The following GGT1 variants were observed in gnomAD, a reference collection of about 807,000 sequenced individuals.
The protein encoded by GGT1 is gamma-glutamyltransferase 1, also known as glutathione hydrolase 1 proenzyme.
Under a neutral mutation model 56.0 loss-of-function variants are expected in GGT1, and 21 were observed. The observed-to-expected ratio is 0.38, with a 90% CI of 0.27 to 0.54. The LOEUF (loss-of-function observed/expected upper bound fraction) is 0.54. Among genes scored for constraint, GGT1 ranks in the 20% least tolerant of loss-of-function variants. The pLI is 0.82. For missense variants in GGT1, 466 were observed against 787.0 expected, an observed-to-expected ratio of 0.59 and a Z score of 4.88; for synonymous variants, 238 against 342.6, an observed-to-expected ratio of 0.69 and a Z score of 3.37.
Position 24,620,687 on chromosome 22 carries a change from G to A in GGT1, c.575+167G>A, listed in dbSNP as rs916542862. ...CCACGTGTGGGGACACATTCTGAGC[G>A]TGGGGTCCCAGTGGCCACTGTGGCT... On this transcript the variant is annotated intron_variant, in intron 8 of 15. Transcript: ENST00000400382. This position sits in a 1 kb window ranked among gnomAD's most constrained non-coding sequence, Gnocchi z 5.6. 106 of 1,458,362 alleles carry A rather than the reference G, an allele frequency of 7.3e-5. No individual in the cohort carries two copies. The Admixed American group carries it at 7.6e-4, about 10-fold the overall frequency. The allele number at this position is 1,458,362 out of a possible 1,614,324, so 90.3% of individuals were successfully genotyped here.
chr22:24,588,140 G>T, the GGT1 span: 3 of 1,157,786 alleles, frequency 2.6e-6, no homozygotes, highest in Non-Finnish European at 2.6e-6. Context: ...GCCTCTTGGT[G>T]AGAGTGCAGG....
intron 7 of GGT1, among the ~76,000 whole-genome samples, chr22:24,617,707 T>C (rs2047160920): frequency 1.3e-5 from 2 of 151,926 alleles, no homozygotes; most frequent in Non-Finnish European, 2.9e-5. Context: ...TTTGGGCACG[T>C]TGAAGTTTGA....
chr22:24,619,483 C>T (rs1305805604), intron 7 of GGT1, among the ~76,000 whole-genome samples: 4 of 151,506 alleles, frequency 2.6e-5, no homozygotes, highest in Non-Finnish European at 4.4e-5. Context: ...GTAGGAGGAT[C>T]GCTTGAGCCT....
chr22:24,595,236 C>T (rs1187667056), intron 1 of GGT1, among the ~76,000 whole-genome samples: 1 of 152,156 alleles, frequency 6.6e-6, no homozygotes, highest in East Asian at 1.9e-4. Flanking sequence ...GGTGTCTGGG[C>T]CTAGATCCTT....
At chr22:24,593,068 C>T, upstream of GGT1, 1 of 1,037,434 alleles carries the variant, frequency 9.6e-7, no homozygotes, top group Admixed American at 5.6e-5. Flanking sequence ...GCCGAACCCA[C>T]AGGAGGCCGG....
At chr22:24,611,750 G>A (rs1298067207) in intron 5 of GGT1, among the ~76,000 whole-genome samples, 3 of 151,014 alleles carry the variant, frequency 2.0e-5, no homozygotes, top group Admixed American at 6.6e-5. Context: ...GATTACAGGC[G>A]TGCGCCACCA....
intron 1 of GGT1, among the ~76,000 whole-genome samples, chr22:24,596,019 T>G (rs1201531017): frequency 6.6e-6 from 1 of 152,206 alleles, no homozygotes; most frequent in East Asian, 1.9e-4. Context: ...ATGGATACTC[T>G]ATGGAGACAG....
intron 5 of GGT1, among the ~76,000 whole-genome samples, chr22:24,611,878 C>T (rs1378973257): frequency 6.6e-6 from 1 of 151,340 alleles, no homozygotes; most frequent in Non-Finnish European, 1.5e-5. Flanking sequence ...GCAATCTTGG[C>T]TTACTGCAAC....
the GGT1 span, among the ~76,000 whole-genome samples, chr22:24,586,680 T>C: frequency 2.6e-5 from 4 of 152,370 alleles, no homozygotes; most frequent in East Asian, 1.9e-4. Context: ...TAAAGGCATG[T>C]GCCACCACGC....
upstream of GGT1, chr22:24,589,949 C>T: frequency 6.3e-7 from 1 of 1,591,664 alleles, no homozygotes; most frequent in East Asian, 2.3e-5. Flanking sequence ...AGGCCCAGGT[C>T]CTGTGAGTGG....
intron 1 of GGT1, among the ~76,000 whole-genome samples, chr22:24,605,199 ATATGTAT>A (rs1468380830): frequency 3.5e-5 from 2 of 57,388 alleles, no homozygotes; most frequent in South Asian, 4.2e-4. Context: ...ATAATATATA[ATATGTAT>A]TATATTATAT....
chr22:24,627,535 C>T lies in GGT1; in HGVS notation c.1124C>T (p.Thr375Met), dbSNP rs3966247. Residue 375 changes from threonine (T) to methionine (M), a missense_variant, in exon 12 of 16, where the codon ACG (threonine) becomes ATG (methionine). Thr to Met is a moderately conservative substitution (Grantham distance 81, BLOSUM62 -1). Transcript: ENST00000400382. ...PISYYKPEFYTPDDGGTAHLS... is the reference protein window; with the variant it reads ...PISYYKPEFYMPDDGGTAHLS... Reference sequence around the variant, plus strand: ...TCCTACTACAAGCCCGAGTTCTACACGCCGGATGACGGGGGCACTGCTCAC... The same window carrying T: ...TCCTACTACAAGCCCGAGTTCTACATGCCGGATGACGGGGGCACTGCTCAC... The T allele has an allele frequency of 1.4e-5, 22 of 1,611,684 alleles. No homozygotes were observed. In the East Asian group the frequency reaches 1.6e-4, roughly 11 times the overall value.
chr22:24,623,835 C>T lies in GGT1; in HGVS notation c.939C>T (p.Tyr313=). The stretch of plus-strand genomic sequence containing the variant: ...GCCCCGAGCAGAAGGGCCTGACGTA[C>T]CACCGCATCGTAGAGGCTTTCCGGT... ...VESPEQKGLT[Y]HRIVEAFRFA... Residue 313 remains tyrosine, a synonymous_variant, in exon 11 of 16, where the codon TAC becomes TAT. Coordinates refer to ENST00000400382, the MANE Select transcript of GGT1 (RefSeq NM_001288833.2). The T allele has an allele frequency of 6.2e-7, 1 of 1,611,920 alleles. No individual in the cohort carries two copies. The highest frequency in any genetic ancestry group is 8.5e-7 in the Non-Finnish European group (1 of 1,179,838).
chr22:24,625,696 A>T (rs1051719112), intron 11 of GGT1, among the ~76,000 whole-genome samples: 1 of 149,610 alleles, frequency 6.7e-6, no homozygotes, highest in Non-Finnish European at 1.5e-5. Context: ...CGCCCGCCAC[A>T]CCGCCCAGCT....
upstream of GGT1, chr22:24,599,212 C>T (rs887875403): frequency 6.6e-6 from 1 of 152,210 alleles, no homozygotes; most frequent in Non-Finnish European, 1.5e-5. Flanking sequence ...AGCCGGCCTG[C>T]AGAGTGAGAT....
upstream of GGT1, among the ~76,000 whole-genome samples, chr22:24,598,942 A>G (rs901931774): frequency 2.0e-5 from 3 of 151,638 alleles, no homozygotes; most frequent in African/African-American, 4.8e-5. Context: ...AAAATTAATT[A>G]AGAAATTAAA....
rs758052297 is a variant in GGT1 at position 24,627,933 on chromosome 22, C to A, written c.1290C>A (p.Thr430=). 17 of 1,613,580 alleles carry A rather than the reference C, an allele frequency of 1.1e-5. No individual in the cohort carries two copies. In the East Asian group the frequency reaches 1.8e-4, roughly 17 times the overall value. ...EMDDFSSPSI[T]NEFGVPPSPA... ...ACGACTTCAGCTCTCCCAGCATCAC[C>A]AACGAGTTTGGGGTACCCCCCTCAC... The change falls in exon 13 of 16, where the codon ACC becomes ACA. Residue 430 remains threonine (T), a synonymous_variant. Transcript: ENST00000400382.
the GGT1 span, among the ~76,000 whole-genome samples, chr22:24,584,391 G>T: frequency 1.3e-5 from 2 of 152,306 alleles, no homozygotes; most frequent in East Asian, 3.9e-4. Context: ...TAAGAAGTCC[G>T]CCTAAAGCAG....
intron 7 of GGT1, among the ~76,000 whole-genome samples, chr22:24,618,796 A>G (rs2047226930): frequency 6.6e-6 from 1 of 152,178 alleles, no homozygotes; most frequent in Non-Finnish European, 1.5e-5. Flanking sequence ...GCCAAGCCAA[A>G]TGGCCCCATC....
Sources: allele counts gnomAD v4.1 joint callset (sites outside exome capture counted in the v4.1 genomes callset), GRCh38; gene constraint gnomAD v4.1.1; non-coding constraint Gnocchi (gnomAD v3.1); transcripts MANE v1.5; gene names NCBI Gene and HGNC (gene_info 2026-07-23, HGNC 2026-07-21).